Variants in PKNOX1 observed in about 807,000 individuals in gnomAD.
PKNOX1 encodes the protein PBX/knotted 1 homeobox 1.
In PKNOX1, 15 loss-of-function variants were observed where a neutral mutation model predicts 51.9. The observed-to-expected ratio is 0.29, with a 90% CI of 0.19 to 0.45. PKNOX1 has a LOEUF of 0.45. Ranked by LOEUF, PKNOX1 falls within the 20% of genes least tolerant of loss-of-function variation. PKNOX1 has a pLI of 1.00. For synonymous variants in PKNOX1, 219 were observed against 211.1 expected (o/e 1.04, Z -0.32); for missense variants, 462 against 547.5 (o/e 0.84, Z 1.56).
In PKNOX1 at chr21:43,028,771, A is replaced by G. The variant is rs957348561; in HGVS notation, c.996A>G (p.Thr332=). 1.2e-6 allele frequency: 2 copies of G among 1,614,074 alleles called. No homozygotes were observed. The highest frequency in any genetic ancestry group is 1.7e-6 in the Non-Finnish European group (2 of 1,180,040). ...CAAGTTGTTCAGAGACCCCCAAAAC[A>G]AAGAAAAAAACTGCTCAGAACCGGC... The part of the protein sequence containing the change: ...LDSSCSETPK[T]KKKTAQNRPV... Residue 332 remains threonine (T), a synonymous_variant, in exon 10 of 11, where the codon ACA becomes ACG. Transcript: ENST00000291547.
At chr21:43,028,026 A>C (rs572935500) in intron 9 of PKNOX1, among the ~76,000 whole-genome samples, 1 of 152,354 alleles carries the variant, frequency 6.6e-6, no homozygotes, top group Admixed American at 6.5e-5. Flanking sequence ...CAGAGTCGCC[A>C]GCGTCTGTCG....
chr21:43,018,830 C>A (rs1950062888), intron 7 of PKNOX1, among the ~76,000 whole-genome samples: 1 of 152,154 alleles, frequency 6.6e-6, no homozygotes, highest in Non-Finnish European at 1.5e-5. Context: ...ACGGTGACGT[C>A]TGTAATCCCA....
At chr21:42,976,450 C>G (rs2058998131) in intron 1 of PKNOX1, among the ~76,000 whole-genome samples, 1 of 152,122 alleles carries the variant, frequency 6.6e-6, no homozygotes. Context: ...TGATGGACTC[C>G]TCCTTTCATG....
At chr21:42,993,346 C>A (rs1190188124) in intron 1 of PKNOX1, among the ~76,000 whole-genome samples, 5 of 152,098 alleles carry the variant, frequency 3.3e-5, no homozygotes, top group African/African-American at 9.7e-5. Context: ...ACAGGACTCG[C>A]GGGCCGAGCT....
chr21:43,015,678 G>A (rs1316464941), intron 5 of PKNOX1, among the ~76,000 whole-genome samples: 5 of 152,188 alleles, frequency 3.3e-5, no homozygotes, highest in African/African-American at 1.2e-4. Flanking sequence ...TTGAGAAATA[G>A]AATTGATCTA....
intron 2 of PKNOX1, among the ~76,000 whole-genome samples, chr21:43,004,869 G>A (rs2146262692): frequency 6.6e-6 from 1 of 152,282 alleles, no homozygotes; most frequent in Non-Finnish European, 1.5e-5. Flanking sequence ...TGAATTTGCA[G>A]GGGCCCCAGT....
intron 1 of PKNOX1, among the ~76,000 whole-genome samples, chr21:42,987,425 A>G (rs1329969702): frequency 7.4e-6 from 1 of 135,100 alleles, no homozygotes; most frequent in African/African-American, 2.8e-5. Context: ...ATATATATAT[A>G]TATGTATACT....
rs9325621 is a variant in PKNOX1, at chr21:43,030,260, AGTGTGTGTGTGTGTGT to A, written c.*177_*192del. 0.21 allele frequency: 94,194 copies of A among 457,236 alleles called. 9,659 individuals are homozygous for A. The highest frequency in any genetic ancestry group is 0.24 in the Non-Finnish European group (61,361 of 255,194). 28.3% of individuals were successfully genotyped at this position (457,236 alleles called of 1,614,324 possible). A position where few individuals can be genotyped will look rare whatever the true frequency, so the allele number is the denominator to read the frequency against. On this transcript the variant is annotated 3_prime_UTR_variant, in exon 11 of 11. Coordinates refer to ENST00000291547, the MANE Select transcript of PKNOX1 (RefSeq NM_004571.5). ...TTTGCCGGTGCAGCGACTTCTTTCAAGTGTGTGTGTGTGTGTGTGTGTGTGTGTGTGTGCGTGTGTG... is the reference window on the plus strand; with the variant it reads ...TTTGCCGGTGCAGCGACTTCTTTCAAGTGTGTGTGTGTGTGTGCGTGTGTG...
rs372210562 is a variant in PKNOX1, at chr21:43,007,668, C to T, written c.179+50C>T. ...GGGGCCTCAGAGGAGTGAGGAGTGT[C>T]CACAAGTTTGTTAAAAGGAACACCA... On this transcript the variant is annotated intron_variant, in intron 3 of 10. Coordinates refer to ENST00000291547, the MANE Select transcript of PKNOX1 (RefSeq NM_004571.5). 110 of 1,606,466 alleles carry T rather than the reference C, an allele frequency of 6.8e-5. 1 individual carries two copies. In the South Asian group the frequency reaches 1.2e-3, roughly 17 times the overall value.
intron 1 of PKNOX1, among the ~76,000 whole-genome samples, chr21:42,987,404 A>AATATATATATATATATATATATAT (rs1170402960): frequency 5.6e-4 from 23 of 41,376 alleles, no homozygotes; most frequent in Middle Eastern, 0.017. Context: ...AAAAAAAAAA[A>AATATATATATATATATATATATAT]ATATATATAT....
At chr21:42,976,787 A>G (rs1304313434) in intron 1 of PKNOX1, among the ~76,000 whole-genome samples, 1 of 152,222 alleles carries the variant, frequency 6.6e-6, no homozygotes, top group Admixed American at 6.5e-5. Context: ...AACTCCTGTT[A>G]ATGTTATTTG....
chr21:43,016,730 A>G (rs1979505398), intron 5 of PKNOX1, among the ~76,000 whole-genome samples, 178 bp from the exon 6 acceptor site: 2 of 152,190 alleles, frequency 1.3e-5, no homozygotes, highest in African/African-American at 4.8e-5. Flanking sequence ...ACAGTTGAAC[A>G]TCTCTTGCTT....
chr21:43,012,639 T>C (rs1979305667), intron 4 of PKNOX1, among the ~76,000 whole-genome samples: 1 of 152,190 alleles, frequency 6.6e-6, no homozygotes, highest in African/African-American at 2.4e-5. Flanking sequence ...GATCTAGAAC[T>C]AGGCAAAGAC....
chr21:43,012,808 A>G (rs545816825), intron 4 of PKNOX1, among the ~76,000 whole-genome samples: 14 of 152,296 alleles, frequency 9.2e-5, no homozygotes, highest in African/African-American at 2.6e-4. Context: ...CTCACAGCCC[A>G]CACACCTAGC....
At chr21:42,975,508 C>G (rs1280483335) in intron 1 of PKNOX1, among the ~76,000 whole-genome samples, 1 of 152,236 alleles carries the variant, frequency 6.6e-6, no homozygotes, top group African/African-American at 2.4e-5. Flanking sequence ...GGGTTTGCAC[C>G]TTCCTTGTGA....
chr21:43,024,844 A>G (rs1161403334), intron 8 of PKNOX1, 27 bp from the exon 9 acceptor site: 5 of 1,470,932 alleles, frequency 3.4e-6, no homozygotes, highest in Non-Finnish European at 4.8e-6. Context: ...CTCGAAGGCC[A>G]TGGTAACCTT....
intron 6 of PKNOX1, chr21:43,017,448 A>G (rs1979543396): frequency 6.5e-6 from 1 of 154,786 alleles, no homozygotes; most frequent in African/African-American, 2.4e-5. Flanking sequence ...TGATGCGTAG[A>G]GAACATTGAA....
chr21:43,002,909 G>T (rs770607693), intron 1 of PKNOX1, among the ~76,000 whole-genome samples: 16 of 152,100 alleles, frequency 1.1e-4, no homozygotes, highest in Non-Finnish European at 2.2e-4. Context: ...TAGAGACAGG[G>T]TTTCACTATG....
intron 1 of PKNOX1, among the ~76,000 whole-genome samples, chr21:42,975,157 C>T (rs2058987236): frequency 6.9e-6 from 1 of 144,724 alleles, no homozygotes; most frequent in Non-Finnish European, 1.5e-5. Flanking sequence ...CGGTCGGGTC[C>T]GCGGCCTCGC....
Sources: allele counts gnomAD v4.1 joint callset (sites outside exome capture counted in the v4.1 genomes callset), GRCh38; gene constraint gnomAD v4.1.1; transcripts MANE v1.5; gene names NCBI Gene and HGNC (gene_info 2026-07-23, HGNC 2026-07-21).